The following ELF2 variants were observed in gnomAD, a reference collection of about 807,000 sequenced individuals.
ELF2 encodes ETS-related transcription factor Elf-2.
A neutral mutation model predicts 54.8 loss-of-function variants in ELF2; 11 were observed. The observed-to-expected ratio is 0.20, with a 90% confidence interval of 0.13 to 0.33. ELF2 has a LOEUF of 0.33. Among genes scored for constraint, ELF2 ranks in the 10% least tolerant of loss-of-function variants. The probability of loss-of-function intolerance (pLI) is 1.00; values close to 1 mark genes in which losing one functional copy is unlikely to be tolerated. For missense variants in ELF2, 513 were observed against 703.0 expected, an observed-to-expected ratio of 0.73 and a Z score of 3.06; for synonymous variants, 203 against 245.1, an observed-to-expected ratio of 0.83 and a Z score of 1.61.
intron 4 of ELF2, among the ~76,000 whole-genome samples, chr4:139,123,440 C>T (rs901942791): frequency 3.9e-5 from 6 of 152,128 alleles, no homozygotes; most frequent in African/African-American, 1.4e-4. Context: ...TATCATTACC[C>T]TCAGAGTTCA....
chr4:139,164,884 T>C (rs926557425), intron 1 of ELF2, among the ~76,000 whole-genome samples: 18 of 152,214 alleles, frequency 1.2e-4, no homozygotes, highest in African/African-American at 4.3e-4. Context: ...CTAAGAGCCA[T>C]GTATTTCCTG....
intron 4 of ELF2, among the ~76,000 whole-genome samples, chr4:139,120,006 T>G (rs1051064097): frequency 3.3e-5 from 5 of 152,214 alleles, no homozygotes; most frequent in Non-Finnish European, 5.9e-5. Context: ...ACTTCTGACC[T>G]TAAGTGATCC....
At chr4:139,087,954 T>C (rs1732168719) in intron 4 of ELF2, among the ~76,000 whole-genome samples, 1 of 152,156 alleles carries the variant, frequency 6.6e-6, no homozygotes, top group South Asian at 2.1e-4. Flanking sequence ...TTGTGAAACT[T>C]TACAAGGACC....
At chr4:139,148,716 A>G (rs1383119459) in intron 1 of ELF2, among the ~76,000 whole-genome samples, 1 of 151,842 alleles carries the variant, frequency 6.6e-6, no homozygotes, top group Non-Finnish European at 1.5e-5. Flanking sequence ...CATATGTTCT[A>G]TATGAATGTT....
intron 4 of ELF2, among the ~76,000 whole-genome samples, chr4:139,113,350 C>T (rs563960110): frequency 6.6e-6 from 1 of 152,010 alleles, no homozygotes; most frequent in African/African-American, 2.4e-5. Flanking sequence ...AAAGAGAGAC[C>T]CTGTCTCAAA....
chr4:139,084,282 C>T lies in ELF2; in HGVS notation c.239-10715G>A. On this transcript the variant is annotated intron_variant, in intron 4 of 9. Coordinates refer to ENST00000686138, the MANE Select transcript of ELF2 (RefSeq NM_001331036.3). ...GAGGCGGAACCCGCGGCCGGAGACA[C>T]ACGCCGTGCGACCGACACACACTCA... The T allele has an allele frequency of 1.9e-6, 3 of 1,602,290 alleles. No individual in the cohort carries two copies. The South Asian group carries it at 3.3e-5, about 18-fold the overall frequency.
chr4:139,075,183 G>C (rs546206646), intron 4 of ELF2, among the ~76,000 whole-genome samples: 2 of 152,206 alleles, frequency 1.3e-5, no homozygotes, highest in African/African-American at 4.8e-5. Flanking sequence ...TATGTTACTT[G>C]TAAAACAATG....
At chr4:139,174,392 G>C (rs1325076077) in intron 1 of ELF2, among the ~76,000 whole-genome samples, 1 of 152,098 alleles carries the variant, frequency 6.6e-6, no homozygotes, top group Non-Finnish European at 1.5e-5. Context: ...TATAATGATA[G>C]AAAGTCGATC....
At chr4:139,103,570 G>C (rs1245566299) in intron 4 of ELF2, among the ~76,000 whole-genome samples, 1 of 152,196 alleles carries the variant, frequency 6.6e-6, no homozygotes, top group Non-Finnish European at 1.5e-5. Context: ...GCCCAGCAAG[G>C]GCATGGGACC....
rs985196455 is a variant in ELF2, at chr4:139,057,655, C to T, written c.*1328G>A. ...GCCAACTAAAATACTAAATTCATTA[C>T]GTTAAGCAGAACATTATAGTTCATC... On this transcript the variant is annotated 3_prime_UTR_variant, in exon 10 of 10. Transcript: ENST00000686138. 1 of 152,098 alleles carries T rather than the reference C, an allele frequency of 6.6e-6. No individual in the cohort carries two copies. The highest frequency in any genetic ancestry group is 2.1e-4 in the South Asian group (1 of 4,824). 9.4% of individuals were successfully genotyped at this position (152,098 alleles called of 1,614,324 possible).
At chr4:139,114,642 C>CTTTTTTTT (rs59282364) in intron 4 of ELF2, among the ~76,000 whole-genome samples, 1 of 104,854 alleles carries the variant, frequency 9.5e-6, no homozygotes, top group Non-Finnish European at 1.8e-5. Flanking sequence ...TTTTTTCTTT[C>CTTTTTTTT]TTTTTTTTTT....
At chr4:139,124,346 A>G (rs528111999) in intron 4 of ELF2, among the ~76,000 whole-genome samples, 1 of 152,372 alleles carries the variant, frequency 6.6e-6, no homozygotes, top group South Asian at 2.1e-4. Context: ...CCTAAGGGGT[A>G]CTACTGGACC....
intron 4 of ELF2, among the ~76,000 whole-genome samples, chr4:139,077,736 A>C (rs1355139908): frequency 6.6e-6 from 1 of 152,222 alleles, no homozygotes; most frequent in Non-Finnish European, 1.5e-5. Context: ...AATAAGCATG[A>C]ATTTAACAGT....
chr4:139,061,379 T>C (rs1352673472), intron 8 of ELF2, among the ~76,000 whole-genome samples: 1 of 152,040 alleles, frequency 6.6e-6, no homozygotes, highest in East Asian at 1.9e-4. Context: ...TTCCCCATGT[T>C]GGCCAGGCTG....
At chr4:139,151,537 C>T (rs1301541890) in intron 1 of ELF2, among the ~76,000 whole-genome samples, 3 of 152,092 alleles carry the variant, frequency 2.0e-5, no homozygotes, top group Non-Finnish European at 4.4e-5. Flanking sequence ...GATGCGAGTT[C>T]TTGTCAAGGT....
intron 1 of ELF2, among the ~76,000 whole-genome samples, chr4:139,156,380 C>T (rs867416341): frequency 2.0e-5 from 3 of 152,098 alleles, no homozygotes; most frequent in South Asian, 2.1e-4. Context: ...TGGGTTTCAC[C>T]GTGTTAGCCA....
At chr4:139,115,496 A>T in intron 4 of ELF2, 1 of 687,878 alleles carries the variant, frequency 1.5e-6, no homozygotes, top group Non-Finnish European at 1.8e-6. Flanking sequence ...GCCCGAGGGC[A>T]GCTGCAGCAT....
At position 139,059,498 on chromosome 4, in the gene ELF2, T is replaced by C. The variant is rs2148657215; in HGVS notation, c.1267A>G (p.Thr423Ala). 2 of 1,613,968 alleles carry C rather than the reference T, an allele frequency of 1.2e-6. No homozygotes were observed. The highest frequency in any genetic ancestry group is 1.7e-6 in the Non-Finnish European group (2 of 1,179,866). The change falls in exon 10 of 10, where the codon ACT (threonine) becomes GCT (alanine). Residue 423 changes from threonine (T) to alanine (A), a missense_variant. Physicochemically the swap from Thr to Ala is moderately conservative, Grantham distance 58. Around this residue, in one of 3 missense-constraint regions of ELF2, gnomAD observed 291 missense variants for 366.1 expected, o/e 0.79. Coordinates refer to ENST00000686138, the MANE Select transcript of ELF2 (RefSeq NM_001331036.3). Reference sequence around the variant, plus strand: ...GGAGAGGTCGCTGTTGTTGGACTAGTGCTGGTTATTAATGGTGCACCTGCA... The same window carrying C: ...GGAGAGGTCGCTGTTGTTGGACTAGCGCTGGTTATTAATGGTGCACCTGCA... The part of the protein sequence containing the change: ...VNAGAPLITS[T>A]SPTTATSPKV...
intron 4 of ELF2, chr4:139,115,263 T>C: frequency 1.2e-6 from 2 of 1,605,086 alleles, no homozygotes; most frequent in South Asian, 1.1e-5. Flanking sequence ...GGCCCTCTCC[T>C]GCGGTCCCGG....
Sources: allele counts gnomAD v4.1 joint callset (sites outside exome capture counted in the v4.1 genomes callset), GRCh38; gene constraint gnomAD v4.1.1; regional missense constraint gnomAD v4.1.1; transcripts MANE v1.5; gene names NCBI Gene and HGNC (gene_info 2026-07-23, HGNC 2026-07-21).